MRPS35: variants seen among roughly 807,000 people sequenced by gnomAD.
MRPS35 encodes the protein mitochondrial ribosomal protein S35, also known as small ribosomal subunit protein mS35.
MRPS35 carries 29 observed loss-of-function variants against 32.7 expected under a neutral mutation model. The observed-to-expected ratio is 0.89, with a 90% CI of 0.66 to 1.21. The LOEUF (loss-of-function observed/expected upper bound fraction) is 1.21. Among genes scored for constraint, MRPS35 ranks in the 50% most tolerant of loss-of-function variants. The pLI, the probability that MRPS35 is intolerant of heterozygous loss-of-function variation, is 0.00. For synonymous variants in MRPS35, 148 were observed against 139.3 expected (o/e 1.06, Z -0.44); for missense variants, 373 against 383.8 (o/e 0.97, Z 0.23).
chr12:27,735,123 G>A (rs749511970), intron 5 of MRPS35, among the ~76,000 whole-genome samples: 7 of 152,028 alleles, frequency 4.6e-5, no homozygotes, highest in African/African-American at 1.7e-4. Flanking sequence ...CTTAACTAAC[G>A]CTAATTGAGT....
intron 5 of MRPS35, among the ~76,000 whole-genome samples, chr12:27,733,383 C>T (rs866410238): frequency 1.3e-5 from 2 of 152,074 alleles, no homozygotes; most frequent in East Asian, 1.9e-4. Context: ...TTACATTACA[C>T]GTTGCAGTAA....
At chr12:27,736,475 A>T (rs976920293) in intron 6 of MRPS35, among the ~76,000 whole-genome samples, 8 of 149,644 alleles carry the variant, frequency 5.3e-5, no homozygotes, top group African/African-American at 2.0e-4. Flanking sequence ...ATTGTTTGAA[A>T]TTCTGTGAGT....
intron 1 of MRPS35, among the ~76,000 whole-genome samples, chr12:27,712,595 C>T (rs1458433911): frequency 6.6e-6 from 1 of 152,122 alleles, no homozygotes; most frequent in African/African-American, 2.4e-5. Flanking sequence ...ATAGGATTTA[C>T]TGATGGATTT....
At chr12:27,731,575 CTT>C (rs1165857201) in intron 5 of MRPS35, among the ~76,000 whole-genome samples, 2 of 151,906 alleles carry the variant, frequency 1.3e-5, no homozygotes, top group African/African-American at 4.8e-5. Flanking sequence ...TTTAATATAA[CTT>C]TATTTTTTTG....
At chr12:27,746,413 A>G (rs968722723) in intron 7 of MRPS35, among the ~76,000 whole-genome samples, 1 of 152,224 alleles carries the variant, frequency 6.6e-6, no homozygotes, top group Non-Finnish European at 1.5e-5. Flanking sequence ...ATATTCTAAA[A>G]TCCTTTAAAA....
At chr12:27,718,245 C>CA (rs1452236003) in intron 3 of MRPS35, among the ~76,000 whole-genome samples, 4 of 151,976 alleles carry the variant, frequency 2.6e-5, no homozygotes, top group Non-Finnish European at 5.9e-5. Flanking sequence ...GCCAACATAG[C>CA]AAAACCCCAT....
At chr12:27,751,102 CAAAAAAAAAAAAAAAAA>C (rs71438703) in intron 7 of MRPS35, among the ~76,000 whole-genome samples, 1 of 38,134 alleles carries the variant, frequency 2.6e-5, no homozygotes, top group African/African-American at 1.2e-4. Flanking sequence ...GACTCCATCT[CAAAAAAAAAAAAAAAAA>C]AAAAAAAGAA....
chr12:27,748,702 G>GCCCTGTCA (rs1275641437), intron 7 of MRPS35, among the ~76,000 whole-genome samples: 6 of 151,840 alleles, frequency 4.0e-5, no homozygotes, highest in African/African-American at 1.5e-4. Context: ...ACAAGGTCTG[G>GCCCTGTCA]CCCTGTCACC....
intron 7 of MRPS35, among the ~76,000 whole-genome samples, chr12:27,750,402 T>TA (rs1411828015): frequency 6.6e-6 from 1 of 152,268 alleles, no homozygotes; most frequent in Non-Finnish European, 1.5e-5. Context: ...GCATTTGAGA[T>TA]ACCTGATATA....
At chr12:27,715,317 A>G (rs1321059012) in intron 2 of MRPS35, among the ~76,000 whole-genome samples, 1 of 152,034 alleles carries the variant, frequency 6.6e-6, no homozygotes, top group Non-Finnish European at 1.5e-5. Flanking sequence ...TTGTGTTTTT[A>G]GTAGAGAGAG....
chr12:27,752,266 C>T (rs967184255), intron 7 of MRPS35, among the ~76,000 whole-genome samples: 3 of 152,052 alleles, frequency 2.0e-5, no homozygotes. Context: ...GTATTCGAGG[C>T]TCACCTGGCT....
At chr12:27,719,259 T>G (rs202092442) in intron 3 of MRPS35, among the ~76,000 whole-genome samples, 2 of 152,174 alleles carry the variant, frequency 1.3e-5, no homozygotes, top group African/African-American at 2.4e-5. Context: ...GACAAAAGAT[T>G]TATATGATCT....
At position 27,710,875 on chromosome 12, in the gene MRPS35, C is replaced by A. The variant is rs376834881; in HGVS notation, c.32C>A (p.Ser11Tyr). 6 of 1,611,316 alleles carry A rather than the reference C, an allele frequency of 3.7e-6. No individual in the cohort carries two copies. The highest frequency in any genetic ancestry group is 4.2e-6 in the Non-Finnish European group (5 of 1,179,852). The change falls in exon 1 of 8, where the codon TCT becomes TAT. Residue 11 changes from serine (S) to tyrosine (Y), a missense_variant. Transcript: ENST00000081029. Reference sequence around the variant, plus strand: ...GCCGCCGCGCTCCCAGCATGGCTGTCTCTGCAGTCGAGGGCAAGGACTCTG... The same window carrying A: ...GCCGCCGCGCTCCCAGCATGGCTGTATCTGCAGTCGAGGGCAAGGACTCTG... MAAAALPAWL[S>Y]LQSRARTLRA... is the part of the protein sequence containing the mutation.
rs112026566 is a variant in MRPS35 at position 27,732,799 on chromosome 12, A to G, written c.523-2648A>G. On this transcript the variant is annotated intron_variant, in intron 5 of 7. Coordinates refer to ENST00000081029, the MANE Select transcript of MRPS35 (RefSeq NM_021821.4). ...AGTGTTCTTGAGGAAACTGAGTCTC[A>G]GGGAGGTAACATGATTTAAGGTAAC... 5.5e-4 allele frequency among the ~76,000 whole-genome samples: 83 copies of G among 152,194 alleles called. 3 individuals are homozygous for G. The highest frequency in any genetic ancestry group is 1.9e-3 in the African/African-American group (79 of 41,524).
chr12:27,743,497 C>T (rs928287973), intron 7 of MRPS35, among the ~76,000 whole-genome samples: 2 of 152,086 alleles, frequency 1.3e-5, no homozygotes, highest in Non-Finnish European at 2.9e-5. Context: ...CACTGCACTC[C>T]AGCCTGGGCA....
intron 1 of MRPS35, among the ~76,000 whole-genome samples, chr12:27,711,949 C>T (rs1339175855): frequency 1.3e-5 from 2 of 150,404 alleles, no homozygotes; most frequent in African/African-American, 2.4e-5. Flanking sequence ...AGACACTCAC[C>T]GGAGATACGG....
At chr12:27,748,717 C>T (rs532991664) in intron 7 of MRPS35, among the ~76,000 whole-genome samples, 1 of 152,140 alleles carries the variant, frequency 6.6e-6, no homozygotes, top group South Asian at 2.1e-4. Context: ...GTCACCCAGG[C>T]TGGAGTGCAG....
intron 5 of MRPS35, 110 bp downstream of exon 5, chr12:27,724,296 T>C (rs906968829): frequency 2.0e-6 from 2 of 1,004,944 alleles, no homozygotes; most frequent in Non-Finnish European, 2.7e-6. Flanking sequence ...CCCAGCACTT[T>C]GGGAGGCCAA....
intron 5 of MRPS35, among the ~76,000 whole-genome samples, chr12:27,732,025 A>G (rs903555704): frequency 2.0e-5 from 3 of 152,234 alleles, no homozygotes; most frequent in Non-Finnish European, 4.4e-5. Flanking sequence ...AAAAATCCCA[A>G]TAAAAGAAAA....
Sources: allele counts gnomAD v4.1 joint callset (sites outside exome capture counted in the v4.1 genomes callset), GRCh38; gene constraint gnomAD v4.1.1; transcripts MANE v1.5; gene names NCBI Gene and HGNC (gene_info 2026-07-23, HGNC 2026-07-21).